Variants in SGCZ observed in about 807,000 individuals in gnomAD.
SGCZ encodes the protein sarcoglycan zeta, also known as zeta-sarcoglycan.
Under a neutral mutation model 41.3 loss-of-function variants are expected in SGCZ, and 40 were observed. The ratio of observed to expected loss-of-function variants is 0.97; its 90% CI spans 0.75 to 1.26. The LOEUF is 1.26. Among genes scored for constraint, SGCZ ranks in the 50% most tolerant of loss-of-function variants. The pLI is 0.00. For synonymous variants in SGCZ, 206 were observed against 137.5 expected (o/e 1.50, Z -3.49); for missense variants, 552 against 369.8 (o/e 1.49, Z -4.04).
At chr8:14,328,084 AT>A (rs1245924489) in intron 2 of SGCZ, among the ~76,000 whole-genome samples, 1 of 152,094 alleles carries the variant, frequency 6.6e-6, no homozygotes, top group Non-Finnish European at 1.5e-5. Context: ...GAAAAAACGA[AT>A]TTTCAAGGTT....
At chr8:14,274,570 T>C (rs996974437) in intron 3 of SGCZ, among the ~76,000 whole-genome samples, 2 of 152,190 alleles carry the variant, frequency 1.3e-5, no homozygotes, top group African/African-American at 2.4e-5. Flanking sequence ...CTTCACTTAG[T>C]TTCCTAACCA....
At chr8:14,955,756 TATA>T (rs1191900658) in intron 1 of SGCZ, among the ~76,000 whole-genome samples, 1 of 152,198 alleles carries the variant, frequency 6.6e-6, no homozygotes, top group Non-Finnish European at 1.5e-5. Flanking sequence ...ATATTTTGGA[TATA>T]ATCCAAATAT....
chr8:15,117,947 G>A (rs1370695261), intron 1 of SGCZ, among the ~76,000 whole-genome samples: 1 of 152,164 alleles, frequency 6.6e-6, no homozygotes, highest in Non-Finnish European at 1.5e-5. Context: ...TTTCTCCTGA[G>A]AGAAACATCT....
chr8:15,187,161 T>C (rs1458419563), intron 1 of SGCZ, among the ~76,000 whole-genome samples: 2 of 152,194 alleles, frequency 1.3e-5, no homozygotes, highest in Non-Finnish European at 2.9e-5. Flanking sequence ...CTTCATTATT[T>C]ATTTAAGTAA....
At chr8:14,737,435 T>C (rs1211313600) in intron 1 of SGCZ, among the ~76,000 whole-genome samples, 1 of 152,094 alleles carries the variant, frequency 6.6e-6, no homozygotes, top group African/African-American at 2.4e-5. Context: ...GAATCCAAGT[T>C]TCTTAATTTC....
intron 2 of SGCZ, among the ~76,000 whole-genome samples, chr8:14,405,953 G>C (rs1439465129): frequency 6.6e-6 from 1 of 152,094 alleles, no homozygotes; most frequent in East Asian, 1.9e-4. Flanking sequence ...ACCCTAGTTA[G>C]TTTACCTTTG....
intron 1 of SGCZ, among the ~76,000 whole-genome samples, chr8:14,913,927 G>T (rs1004716605): frequency 6.6e-6 from 1 of 151,868 alleles, no homozygotes; most frequent in African/African-American, 2.4e-5. Flanking sequence ...ATCCCTGAAA[G>T]ATCTAATTTT....
chr8:14,118,455 A>T (rs1802593237), intron 5 of SGCZ, among the ~76,000 whole-genome samples: 1 of 152,092 alleles, frequency 6.6e-6, no homozygotes, highest in African/African-American at 2.4e-5. Flanking sequence ...TAGATTCTGG[A>T]TATTAGCCCT....
intron 1 of SGCZ, among the ~76,000 whole-genome samples, chr8:15,006,066 G>T (rs1331288543): frequency 6.6e-6 from 1 of 152,106 alleles, no homozygotes; most frequent in Non-Finnish European, 1.5e-5. Context: ...GCACGACTAG[G>T]CTGACTCCAC....
At chr8:14,913,625 C>T (rs1281046119) in intron 1 of SGCZ, among the ~76,000 whole-genome samples, 1 of 151,986 alleles carries the variant, frequency 6.6e-6, no homozygotes, top group South Asian at 2.1e-4. Flanking sequence ...CCATAATATA[C>T]ATTAATTTAA....
intron 1 of SGCZ, among the ~76,000 whole-genome samples, chr8:15,184,554 C>G (rs1390734520): frequency 6.6e-6 from 1 of 151,634 alleles, no homozygotes; most frequent in Non-Finnish European, 1.5e-5. Flanking sequence ...AGACTGGTCC[C>G]GAAGGATTTC....
At chr8:14,753,744 G>A (rs1416744940) in intron 1 of SGCZ, among the ~76,000 whole-genome samples, 1 of 152,112 alleles carries the variant, frequency 6.6e-6, no homozygotes, top group Non-Finnish European at 1.5e-5. Flanking sequence ...GACTCATTCT[G>A]TGAGCTCTTT....
chr8:14,827,096 A>G (rs1379877160), intron 1 of SGCZ, among the ~76,000 whole-genome samples: 1 of 151,806 alleles, frequency 6.6e-6, no homozygotes, highest in Non-Finnish European at 1.5e-5. Flanking sequence ...TACATGTTAG[A>G]CATATCTTTC....
intron 1 of SGCZ, among the ~76,000 whole-genome samples, chr8:15,113,612 T>A (rs1279877110): frequency 6.6e-6 from 1 of 152,202 alleles, no homozygotes; most frequent in Non-Finnish European, 1.5e-5. Context: ...TGAACTACCA[T>A]CGTGAGGTAT....
intron 1 of SGCZ, among the ~76,000 whole-genome samples, chr8:14,742,311 G>A (rs907194300): frequency 1.6e-4 from 24 of 151,822 alleles, no homozygotes; most frequent in African/African-American, 5.6e-4. Context: ...GTGCACGCGC[G>A]CTCACACACA....
chr8:14,514,825 G>GA (rs1563379029), intron 2 of SGCZ, among the ~76,000 whole-genome samples: 12 of 135,682 alleles, frequency 8.8e-5, no homozygotes, highest in African/African-American at 3.3e-4. Context: ...ATATATACAC[G>GA]CACACACACA....
chr8:14,141,966 C>T (rs1015836910), intron 5 of SGCZ, among the ~76,000 whole-genome samples: 1 of 152,192 alleles, frequency 6.6e-6, no homozygotes. Flanking sequence ...CACATATACA[C>T]CATGGAATAC....
intron 3 of SGCZ, among the ~76,000 whole-genome samples, chr8:14,295,577 G>T (rs538137338): frequency 6.6e-6 from 1 of 152,056 alleles, no homozygotes; most frequent in African/African-American, 2.4e-5. Flanking sequence ...AGTAGTGCAG[G>T]ATTCAACCAT....
chr8:14,301,378 AAAAC>A (rs1157459024), intron 3 of SGCZ, among the ~76,000 whole-genome samples: 3 of 151,970 alleles, frequency 2.0e-5, no homozygotes, highest in East Asian at 3.9e-4. Context: ...ATCACAAAAA[AAAAC>A]AAACAATTGT....
Sources: allele counts gnomAD v4.1 joint callset (sites outside exome capture counted in the v4.1 genomes callset), GRCh38; gene constraint gnomAD v4.1.1; transcripts MANE v1.5; gene names NCBI Gene and HGNC (gene_info 2026-07-23, HGNC 2026-07-21).